LARP4: variants seen among roughly 807,000 people sequenced by gnomAD.
The protein encoded by LARP4 is La ribonucleoprotein 4, also known as la-related protein 4.
In LARP4, 29 loss-of-function variants were observed where a neutral mutation model predicts 92.9. The observed-to-expected ratio is 0.31, with a 90% confidence interval of 0.23 to 0.43. The LOEUF (loss-of-function observed/expected upper bound fraction) is 0.43. Among genes scored for constraint, LARP4 ranks in the 20% least tolerant of loss-of-function variants. The pLI, the probability that LARP4 is intolerant of heterozygous loss-of-function variation, is 1.00. For missense variants in LARP4, 732 were observed against 860.0 expected, an observed-to-expected ratio of 0.85 and a Z score of 1.86; for synonymous variants, 279 against 284.1, an observed-to-expected ratio of 0.98 and a Z score of 0.18.
At chr12:50,457,932 CA>C in intron 10 of LARP4, among the ~76,000 whole-genome samples, 1 of 147,898 alleles carries the variant, frequency 6.8e-6, no homozygotes, top group Admixed American at 6.8e-5. Flanking sequence ...AAACTCAACC[CA>C]ACTTTTTTTT....
intron 1 of LARP4, among the ~76,000 whole-genome samples, chr12:50,408,063 G>C (rs1450313943): frequency 3.3e-5 from 5 of 151,886 alleles, no homozygotes; most frequent in Non-Finnish European, 7.4e-5. Context: ...ACAGAAGAGT[G>C]CTTTAGATGA....
intron 8 of LARP4, among the ~76,000 whole-genome samples, chr12:50,442,383 A>G (rs372462098): frequency 6.6e-6 from 1 of 152,252 alleles, no homozygotes; most frequent in East Asian, 1.9e-4. Flanking sequence ...TACATGTCTA[A>G]TCTGTTCTCA....
At position 50,467,088 on chromosome 12, in the gene LARP4, T is replaced by G; in HGVS notation, c.1513T>G (p.Ser505Ala). Residue 505 changes from serine to alanine, a missense_variant, in exon 13 of 16, where the codon TCT becomes GCT. Around this residue, in one of 7 missense-constraint regions of LARP4, gnomAD observed 264 missense variants for 269.5 expected, o/e 0.98. Transcript: ENST00000398473. ...PGELVLENRM[S>A]DVVKGVYKEK... ...TGAACTCGTTTTGGAGAATAGGATG[T>G]CTGATGTTGTTAAAGGTGTCTACAA... 1 of 1,612,958 alleles carries G rather than the reference T, an allele frequency of 6.2e-7. No homozygotes were observed. The highest frequency in any genetic ancestry group is 1.7e-5 in the Admixed American group (1 of 60,002).
At chr12:50,473,591 T>A (rs761735841) in intron 14 of LARP4, 55 bp downstream of exon 14, 20 of 1,568,184 alleles carry the variant, frequency 1.3e-5, no homozygotes, top group Non-Finnish European at 1.6e-5. Context: ...TCTGGCCGGG[T>A]GTGGTGGCTC....
chr12:50,426,174 C>T (rs1948677679), intron 1 of LARP4, among the ~76,000 whole-genome samples: 1 of 152,156 alleles, frequency 6.6e-6, no homozygotes, highest in African/African-American at 2.4e-5. Flanking sequence ...TGGGCTGAGG[C>T]TGCTGTCTCC....
At chr12:50,463,418 TCCAAAAA>T (rs1185183943) in intron 12 of LARP4, among the ~76,000 whole-genome samples, 127 of 32,214 alleles carry the variant, frequency 3.9e-3, no homozygotes, top group Admixed American at 5.2e-3. Flanking sequence ...ACCCCATCTC[TCCAAAAA>T]AAAAAAAAAA....
intron 12 of LARP4, among the ~76,000 whole-genome samples, chr12:50,463,151 G>T (rs935423104): frequency 2.6e-4 from 40 of 151,656 alleles, no homozygotes; most frequent in African/African-American, 7.5e-4. Flanking sequence ...TCGAGTCGGG[G>T]TCTTGCGGGC....
At chr12:50,434,624 C>T (rs1458895201) in intron 4 of LARP4, among the ~76,000 whole-genome samples, 3 of 149,126 alleles carry the variant, frequency 2.0e-5, no homozygotes, top group African/African-American at 7.3e-5. Context: ...CCAGGTTGGT[C>T]TTGAGCTCTT....
Position 50,466,941 on chromosome 12 carries a change from A to T in LARP4, c.1384-18A>T, listed in dbSNP as rs946400462. 5.0e-6 allele frequency: 8 copies of T among 1,597,208 alleles called. No individual in the cohort carries two copies. Among genetic ancestry groups the T allele is most frequent in the Non-Finnish European group, 6.9e-6 (8 of 1,167,854 alleles). ...ATGAGATAGCCATGTGACCTGTTTT[A>T]TTATTTGTTCATTTTAGAGACCTCA... is the stretch of plus-strand genomic sequence containing the variant. On this transcript the variant is annotated intron_variant, in intron 12 of 15. Coordinates refer to ENST00000398473, the MANE Select transcript of LARP4 (RefSeq NM_052879.5).
At chr12:50,440,881 T>G (rs1225336258) in intron 7 of LARP4, among the ~76,000 whole-genome samples, 1 of 151,944 alleles carries the variant, frequency 6.6e-6, no homozygotes, top group African/African-American at 2.4e-5. Flanking sequence ...ACTTGATGGT[T>G]TTATTCTTTT....
intron 1 of LARP4, among the ~76,000 whole-genome samples, chr12:50,426,718 TGTGTGTGTGTGTGG>T (rs1485249259): frequency 1.2e-4 from 17 of 137,096 alleles, no homozygotes; most frequent in Admixed American, 1.5e-4. Flanking sequence ...TGTGTGTGTG[TGTGTGTGTGTGTGG>T]TTTTTTTTTT....
At chr12:50,454,843 A>G (rs1953927180) in intron 10 of LARP4, 1 of 158,358 alleles carries the variant, frequency 6.3e-6, no homozygotes, top group African/African-American at 2.4e-5. Context: ...ATGACACCCA[A>G]GAACTACAGT....
Position 50,430,541 on chromosome 12 carries a change from G to A in LARP4, c.369G>A (p.Leu123=). 1.9e-6 allele frequency: 3 copies of A among 1,606,542 alleles called. No individual in the cohort carries two copies. Among genetic ancestry groups the A allele is most frequent in the Non-Finnish European group, 2.6e-6 (3 of 1,174,738 alleles). The change falls in exon 4 of 16, where the codon CTG becomes CTA. Residue 123 remains leucine (L), a synonymous_variant. Coordinates refer to ENST00000398473, the MANE Select transcript of LARP4 (RefSeq NM_052879.5). ...CTACAGAAGACCTAAAAGAATGTCT[G>A]AAGAAACAATTAGAATTCTGTTTTT... is the stretch of plus-strand genomic sequence containing the variant. The part of the protein sequence containing the change: ...AVSTEDLKEC[L]KKQLEFCFSR...
At chr12:50,430,696 T>C (rs1235607261) in intron 4 of LARP4, 126 bp downstream of exon 4, 1 of 556,100 alleles carries the variant, frequency 1.8e-6, no homozygotes, top group Non-Finnish European at 3.1e-6. Flanking sequence ...GAGTCTCATG[T>C]TGTCGCTGGG....
At chr12:50,414,612 A>G (rs1375560041) in intron 1 of LARP4, among the ~76,000 whole-genome samples, 4 of 152,150 alleles carry the variant, frequency 2.6e-5, no homozygotes, top group South Asian at 2.1e-4. Context: ...CTATACCTAT[A>G]TATTTATCTG....
At chr12:50,454,234 A>G in intron 9 of LARP4, 80 bp from the exon 10 acceptor site, 1 of 968,986 alleles carries the variant, frequency 1.0e-6, no homozygotes. Flanking sequence ...TAAATTCATA[A>G]GCTCATTAAG....
intron 8 of LARP4, among the ~76,000 whole-genome samples, chr12:50,450,901 G>C (rs183518483): frequency 6.6e-6 from 1 of 152,120 alleles, no homozygotes; most frequent in Non-Finnish European, 1.5e-5. Context: ...TTACGTTTAT[G>C]ATACTCAGTT....
At chr12:50,437,436 C>T (rs1426194430) in intron 5 of LARP4, among the ~76,000 whole-genome samples, 1 of 151,704 alleles carries the variant, frequency 6.6e-6, no homozygotes, top group African/African-American at 2.4e-5. Context: ...TTATTATATA[C>T]AAGAAATTTG....
chr12:50,436,011 G>C (rs1415731672), intron 5 of LARP4, among the ~76,000 whole-genome samples: 2 of 150,510 alleles, frequency 1.3e-5, no homozygotes, highest in East Asian at 3.9e-4. Flanking sequence ...TTCTTTGGCT[G>C]AGTCAGTCCT....
Sources: gnomAD v4.1 joint callset for allele counts (sites outside exome capture counted in the v4.1 genomes callset) on GRCh38, gnomAD v4.1.1 for gene constraint, gnomAD v4.1.1 regional missense constraint, MANE v1.5 for transcripts, NCBI Gene and HGNC (gene_info 2026-07-23, HGNC 2026-07-21) for gene names.